The following GRID2 variants were observed in gnomAD, a reference collection of about 807,000 sequenced individuals.
GRID2 encodes glutamate receptor ionotropic, delta-2.
Under a neutral mutation model 114.8 loss-of-function variants are expected in GRID2, and 33 were observed. The ratio of observed to expected loss-of-function variants is 0.29; its 90% CI spans 0.22 to 0.38. The LOEUF (loss-of-function observed/expected upper bound fraction) is 0.38. Ranked by LOEUF, GRID2 falls within the 10% of genes least tolerant of loss-of-function variation. GRID2 has a pLI of 1.00. For missense variants in GRID2, 1,184 were observed against 1,257.7 expected, an observed-to-expected ratio of 0.94 and a Z score of 0.89; for synonymous variants, 505 against 449.9, an observed-to-expected ratio of 1.12 and a Z score of -1.55.
intron 2 of GRID2, among the ~76,000 whole-genome samples, chr4:92,797,952 T>A (rs1321099494): frequency 6.6e-6 from 1 of 152,060 alleles, no homozygotes; most frequent in South Asian, 2.1e-4. Context: ...CTTGATAAAG[T>A]TTTTACTGCC....
intron 11 of GRID2, 63 bp downstream of exon 11, chr4:93,456,037 G>A: frequency 2.1e-6 from 2 of 951,320 alleles, no homozygotes; most frequent in Non-Finnish European, 3.4e-6. Flanking sequence ...CCAAAGCCAT[G>A]TATTCAGTTA....
chr4:93,419,673 T>C (rs1025710931), intron 9 of GRID2, among the ~76,000 whole-genome samples: 8 of 152,106 alleles, frequency 5.3e-5, no homozygotes, highest in African/African-American at 1.9e-4. Flanking sequence ...CCCCTTAATA[T>C]AGCCATTTCT....
At chr4:93,263,171 G>C (rs1457786467) in intron 8 of GRID2, among the ~76,000 whole-genome samples, 3 of 151,652 alleles carry the variant, frequency 2.0e-5, no homozygotes, top group Admixed American at 6.6e-5. Flanking sequence ...ATCTTTCCAT[G>C]CCAAGGATTT....
chr4:93,444,492 T>C (rs1721911918), intron 10 of GRID2, among the ~76,000 whole-genome samples: 3 of 151,970 alleles, frequency 2.0e-5, no homozygotes, highest in Admixed American at 1.3e-4. Flanking sequence ...ACATACTAAT[T>C]TTGAGAAACA....
intron 1 of GRID2, among the ~76,000 whole-genome samples, chr4:93,784,532 A>T (rs1202995505): frequency 6.6e-6 from 1 of 152,154 alleles, no homozygotes; most frequent in Non-Finnish European, 1.5e-5. Flanking sequence ...GGAGCCAGAG[A>T]ATAAGACTTT....
At chr4:92,748,038 A>C (rs761745744) in intron 2 of GRID2, among the ~76,000 whole-genome samples, 1 of 152,140 alleles carries the variant, frequency 6.6e-6, no homozygotes, top group Non-Finnish European at 1.5e-5. Context: ...GACTAAGACA[A>C]TGTTATGTTT....
At chr4:92,510,989 T>C (rs1724217262) in intron 1 of GRID2, among the ~76,000 whole-genome samples, 1 of 151,856 alleles carries the variant, frequency 6.6e-6, no homozygotes, top group Non-Finnish European at 1.5e-5. Context: ...TGAGTAAATA[T>C]GTAGAATACT....
chr4:93,796,567 G>T lies in GRID2; in HGVS notation c.222-10148G>T, dbSNP rs528684888. Reference sequence around the variant, plus strand: ...TGTTTGTTTGTTTGTTTTTTGAGACGGAGTCTTGCTCTGTCGCCCAGGCTA... The same window carrying T: ...TGTTTGTTTGTTTGTTTTTTGAGACTGAGTCTTGCTCTGTCGCCCAGGCTA... On this transcript the variant is annotated intron_variant, in intron 1 of 1. Coordinates refer to the GRID2 transcript ENST00000637838. Among the ~76,000 whole-genome samples, 12 of 152,162 alleles carry T rather than the reference G, an allele frequency of 7.9e-5. No individual in the cohort carries two copies. In the South Asian group the frequency reaches 2.5e-3, roughly 32 times the overall value.
At chr4:92,843,806 G>T (rs902144072) in intron 2 of GRID2, among the ~76,000 whole-genome samples, 2 of 152,046 alleles carry the variant, frequency 1.3e-5, no homozygotes, top group Non-Finnish European at 2.9e-5. Flanking sequence ...AGTAGTTTAA[G>T]TTTTAGTTGC....
intron 13 of GRID2, among the ~76,000 whole-genome samples, chr4:93,549,940 C>T (rs1309809386): frequency 3.9e-5 from 6 of 152,222 alleles, no homozygotes; most frequent in African/African-American, 1.2e-4. Context: ...CTGCAACTCA[C>T]CTGAATAAAT....
intron 4 of GRID2, among the ~76,000 whole-genome samples, chr4:93,119,363 A>G (rs1733569577): frequency 6.6e-6 from 1 of 152,172 alleles, no homozygotes; most frequent in African/African-American, 2.4e-5. Context: ...TATAGGAATA[A>G]TGTTGCATTT....
At chr4:93,046,376 T>C (rs1408055841) in intron 2 of GRID2, among the ~76,000 whole-genome samples, 4 of 152,070 alleles carry the variant, frequency 2.6e-5, no homozygotes, top group Non-Finnish European at 5.9e-5. Context: ...CACATTCTTC[T>C]TTTACCTAAA....
chr4:93,290,377 T>A (rs896594204), intron 8 of GRID2, among the ~76,000 whole-genome samples: 3 of 152,158 alleles, frequency 2.0e-5, no homozygotes, highest in Admixed American at 6.6e-5. Flanking sequence ...CTGGAAAAAT[T>A]AGAAAAAATT....
chr4:92,659,467 G>A (rs1406143795), intron 2 of GRID2, among the ~76,000 whole-genome samples: 1 of 151,370 alleles, frequency 6.6e-6, no homozygotes, highest in Non-Finnish European at 1.5e-5. Flanking sequence ...ACTTTAGAAT[G>A]TTTCAGATAG....
In GRID2 at chr4:93,118,951, CAGA is replaced by C. The variant is rs1452426717; in HGVS notation, c.735+8003_735+8005del. Reference sequence around the variant, plus strand: ...TCAAGAGAAATATTAACTTTAAAGTCAGAAGAATGAGTTTTATCAAAGAAATTG... The same window carrying C: ...TCAAGAGAAATATTAACTTTAAAGTCAGAATGAGTTTTATCAAAGAAATTG... On this transcript the variant is annotated intron_variant, in intron 4 of 15. Coordinates refer to ENST00000282020, the MANE Select transcript of GRID2 (RefSeq NM_001510.4). 3.4e-4 allele frequency among the ~76,000 whole-genome samples: 52 copies of C among 152,172 alleles called. 1 individual carries two copies. Among genetic ancestry groups the C allele is most frequent in the African/African-American group, 1.2e-3 (51 of 41,450 alleles).
At chr4:92,888,946 A>G (rs1746559381) in intron 2 of GRID2, among the ~76,000 whole-genome samples, 1 of 151,970 alleles carries the variant, frequency 6.6e-6, no homozygotes, top group Non-Finnish European at 1.5e-5. Context: ...TTACAGGTCA[A>G]TTTTATTGTA....
chr4:93,360,722 G>A (rs1281804735), intron 8 of GRID2, among the ~76,000 whole-genome samples: 1 of 151,244 alleles, frequency 6.6e-6, no homozygotes, highest in Non-Finnish European at 1.5e-5. Flanking sequence ...TATTCTCTTT[G>A]GGATATCCAA....
chr4:93,738,508 A>C (rs1222813127), intron 14 of GRID2, among the ~76,000 whole-genome samples: 1 of 152,154 alleles, frequency 6.6e-6, no homozygotes, highest in Non-Finnish European at 1.5e-5. Flanking sequence ...GGTAGATTTT[A>C]AATATAACTA....
intron 2 of GRID2, among the ~76,000 whole-genome samples, chr4:92,696,055 TGTTA>T (rs763260046): frequency 1.8e-4 from 28 of 152,264 alleles, no homozygotes; most frequent in Non-Finnish European, 3.8e-4. Context: ...TTCTAAGACT[TGTTA>T]GTTAATTTAT....
Sources: gnomAD v4.1 joint callset for allele counts (sites outside exome capture counted in the v4.1 genomes callset) on GRCh38, gnomAD v4.1.1 for gene constraint, MANE v1.5 for transcripts, NCBI Gene and HGNC (gene_info 2026-07-23, HGNC 2026-07-21) for gene names.